Variants in MCM3 observed in about 807,000 individuals in gnomAD.
The protein encoded by MCM3 is minichromosome maintenance complex component 3.
MCM3 carries 59 observed loss-of-function variants against 91.3 expected under a neutral mutation model. The ratio of observed to expected loss-of-function variants is 0.65; its 90% CI spans 0.52 to 0.80. The LOEUF is 0.80. Ranked by LOEUF, MCM3 falls within the 30% of genes least tolerant of loss-of-function variation. The pLI is 0.00. For synonymous variants in MCM3, 383 were observed against 379.6 expected, an observed-to-expected ratio of 1.01 and a Z score of -0.10; for missense variants, 919 against 1,035.4, an observed-to-expected ratio of 0.89 and a Z score of 1.54.
intron 13 of MCM3, 30 bp downstream of exon 13, chr6:52,269,056 C>T (rs1285218920): frequency 1.9e-6 from 3 of 1,597,182 alleles, no homozygotes; most frequent in Non-Finnish European, 2.6e-6. Flanking sequence ...TCCAGGAGAT[C>T]CTCTCATGCC....
Position 52,272,385 on chromosome 6 carries a change from G to T in MCM3, c.1743C>A (p.Val581=), listed in dbSNP as rs112984542. The change falls in exon 12 of 17, where the codon GTC becomes GTA. Residue 581 remains valine (V), a synonymous_variant. Coordinates refer to ENST00000596288, the MANE Select transcript of MCM3 (RefSeq NM_002388.6). The part of the protein sequence containing the change: ...YIHVAKIIKP[V]LTQESATYIA... Reference sequence around the variant, plus strand: ...TGTAGGTGGCCGACTCCTGTGTCAGGACAGGCTTGATGATTTTGGCCACAT... The same window carrying T: ...TGTAGGTGGCCGACTCCTGTGTCAGTACAGGCTTGATGATTTTGGCCACAT... 244 of 1,614,132 alleles carry T rather than the reference G, an allele frequency of 1.5e-4. 3 individuals carry two copies. In the African/African-American group the frequency reaches 2.4e-3, roughly 16 times the overall value.
In MCM3 at chr6:52,283,347, C is replaced by A; in HGVS notation, c.138G>T (p.Arg46=). The A allele has an allele frequency of 6.2e-7, 1 of 1,614,218 alleles. No individual in the cohort carries two copies. Among genetic ancestry groups the A allele is most frequent in the Non-Finnish European group, 8.5e-7 (1 of 1,180,038 alleles). Residue 46 remains arginine (R), a synonymous_variant, in exon 2 of 17, where the codon CGG becomes CGT. Coordinates refer to ENST00000596288, the MANE Select transcript of MCM3 (RefSeq NM_002388.6). ...GCAGGTCATTCACATTGACAATCAG[C>A]CGGTATTGGTTGTCACTGATCAGCT... ...VRELISDNQY[R]LIVNVNDLRR...
chr6:52,279,397 G>A lies in MCM3; in HGVS notation c.734C>T (p.Pro245Leu). Residue 245 changes from proline to leucine, a missense_variant, in exon 5 of 17, where the codon CCT becomes CTT. This residue lies in a region of MCM3 where 401 missense variants were observed against 402.7 expected (regional missense o/e 1.00). Transcript: ENST00000596288. ...VQVVGTYRCL[P>L]GKKGGYTSGT... ...AGAGGTGTAGCCTCCCTTCTTTCCA[G>A]GAAGGCAACGGTAGGTTCCCACCAC... 6.2e-7 allele frequency: 1 copy of A among 1,614,068 alleles called. No individual in the cohort carries two copies. The highest frequency in any genetic ancestry group is 8.5e-7 in the Non-Finnish European group (1 of 1,180,008).
In MCM3 at chr6:52,269,180, G is replaced by A; in HGVS notation, c.1874C>T (p.Ala625Val). 3 of 1,613,800 alleles carry A rather than the reference G, an allele frequency of 1.9e-6. No individual in the cohort carries two copies. Among genetic ancestry groups the A allele is most frequent in the East Asian group, 2.2e-5 (1 of 44,878 alleles). ...CATGCGGGCCTTCGCATGGGCTGTGGCCAGTCGAATCAGAGTTTCCAGTGT... is the reference window on the plus strand; with the variant it reads ...CATGCGGGCCTTCGCATGGGCTGTGACCAGTCGAATCAGAGTTTCCAGTGT... ...ARTLETLIRL[A>V]TAHAKARMSK... The change falls in exon 13 of 17, where the codon GCC becomes GTC. Residue 625 changes from alanine (A) to valine (V), a missense_variant. Around this residue, in one of 3 missense-constraint regions of MCM3, gnomAD observed 285 missense variants for 311.4 expected, o/e 0.92. Coordinates refer to ENST00000596288, the MANE Select transcript of MCM3 (RefSeq NM_002388.6).
intron 14 of MCM3, among the ~76,000 whole-genome samples, chr6:52,266,917 T>G (rs548212631): frequency 6.6e-6 from 1 of 152,218 alleles, no homozygotes; most frequent in African/African-American, 2.4e-5. Flanking sequence ...CTTTTCCACA[T>G]CACTCACCCT....
At chr6:52,284,492 G>T in intron 1 of MCM3, 105 bp downstream of exon 1, 2 of 1,033,582 alleles carry the variant, frequency 1.9e-6, no homozygotes, top group Non-Finnish European at 2.7e-6. Flanking sequence ...GGCAGGCTCC[G>T]CTGCGGCACA....
chr6:52,271,828 T>C (rs113968239), intron 12 of MCM3, among the ~76,000 whole-genome samples: 116 of 152,342 alleles, frequency 7.6e-4, no homozygotes, highest in Middle Eastern at 3.4e-3. Flanking sequence ...TTCAGGGAAG[T>C]CTAAAAGAAA....
At position 52,274,056 on chromosome 6, in the gene MCM3, T is replaced by C. The variant is rs1765362827; in HGVS notation, c.1375-140A>G. 6.4e-6 allele frequency: 4 copies of C among 629,600 alleles called. No homozygotes were observed. In the South Asian group the frequency reaches 8.3e-5, roughly 13 times the overall value. The allele number at this position is 629,600 out of a possible 1,614,324, so 39.0% of individuals were successfully genotyped here. On this transcript the variant is annotated intron_variant, in intron 9 of 16. Coordinates refer to ENST00000596288, the MANE Select transcript of MCM3 (RefSeq NM_002388.6). ...GACAAAAAGCAGTGAAAAAGGGAAG[T>C]GTTTTAAAGCCATTAAACAATGTAA...
chr6:52,279,702 T>C (rs1765911820), intron 4 of MCM3, 103 bp from the exon 5 acceptor site: 2 of 907,268 alleles, frequency 2.2e-6, no homozygotes, highest in Admixed American at 2.4e-5. Flanking sequence ...AATTTTATTA[T>C]TCAGTAACAA....
intron 12 of MCM3, among the ~76,000 whole-genome samples, 183 bp downstream of exon 12, chr6:52,272,118 C>A (rs374496516): frequency 2.0e-5 from 3 of 152,272 alleles, no homozygotes; most frequent in South Asian, 4.1e-4. Context: ...GACATGTTAT[C>A]TCTGGGGTCC....
chr6:52,268,791 A>G (rs988290569), intron 13 of MCM3, among the ~76,000 whole-genome samples: 5 of 152,118 alleles, frequency 3.3e-5, no homozygotes, highest in Non-Finnish European at 7.3e-5. Flanking sequence ...ATGCAAAGGA[A>G]GTAGGGGTAG....
At chr6:52,279,620 G>C (rs774228557) in intron 4 of MCM3, 21 bp from the exon 5 acceptor site, 1 of 1,563,028 alleles carries the variant, frequency 6.4e-7, no homozygotes, top group South Asian at 1.1e-5. Context: ...GCACACAGAG[G>C]GACAGAGTGA....
In MCM3 at chr6:52,273,739, C is replaced by T; in HGVS notation, c.1549+3G>A. ...GTTACTCTTACTATTCTTATGGCCT[C>T]ACCATCGCCATCCTGCTCCCCAGGT... On this transcript the variant is annotated splice_donor_region_variant and intron_variant, in intron 10 of 16. Transcript: ENST00000596288. 2 of 1,606,940 alleles carry T rather than the reference C, an allele frequency of 1.2e-6. No homozygotes were observed. The highest frequency in any genetic ancestry group is 8.5e-7 in the Non-Finnish European group (1 of 1,176,604).
chr6:52,283,526 T>G (rs1264908771), intron 1 of MCM3, 120 bp from the exon 2 acceptor site: 6 of 725,106 alleles, frequency 8.3e-6, no homozygotes, highest in Non-Finnish European at 1.5e-5. Flanking sequence ...GAATCCCCAG[T>G]AAGTATGTGC....
At chr6:52,277,459 T>C (rs1329131454) in intron 7 of MCM3, 76 bp downstream of exon 7, 2 of 1,424,706 alleles carry the variant, frequency 1.4e-6, no homozygotes, top group East Asian at 2.3e-5. Flanking sequence ...GTACAGAATA[T>C]ACAATCTTAC....
chr6:52,272,506 G>C, intron 11 of MCM3, 55 bp from the exon 12 acceptor site: 1 of 1,603,720 alleles, frequency 6.2e-7, no homozygotes, highest in Non-Finnish European at 8.5e-7. Context: ...CACCTGCCTG[G>C]ATTAGTGGCT....
chr6:52,266,470 T>TG, intron 15 of MCM3, 141 bp downstream of exon 15: 1 of 766,016 alleles, frequency 1.3e-6, no homozygotes, highest in Non-Finnish European at 2.2e-6. Context: ...GAAGCTCTCT[T>TG]GGGACAAACC....
rs761199189 is a variant in MCM3, at chr6:52,273,746, G to A, written c.1545C>T (p.Gly515=). 2.5e-6 allele frequency: 4 copies of A among 1,608,176 alleles called. No individual in the cohort carries two copies. Among genetic ancestry groups the A allele is most frequent in the African/African-American group, 1.3e-5 (1 of 74,754 alleles). The change falls in exon 10 of 17, where the codon GGC becomes GGT. Residue 515 remains glycine (G), a synonymous_variant. Coordinates refer to ENST00000596288, the MANE Select transcript of MCM3 (RefSeq NM_002388.6). ...TTACTATTCTTATGGCCTCACCATC[G>A]CCATCCTGCTCCCCAGGTGCTCTGT... ...HRYRAPGEQD[G]DAMPLGSAVD...
intron 1 of MCM3, 48 bp from the exon 2 acceptor site, chr6:52,283,454 A>T: frequency 7.6e-7 from 1 of 1,322,808 alleles, no homozygotes; most frequent in Non-Finnish European, 1.1e-6. Context: ...TTTAAAAACA[A>T]TGTTTCTAAA....
Sources: allele counts gnomAD v4.1 joint callset (sites outside exome capture counted in the v4.1 genomes callset), GRCh38; gene constraint gnomAD v4.1.1; regional missense constraint gnomAD v4.1.1; transcripts MANE v1.5; gene names NCBI Gene and HGNC (gene_info 2026-07-23, HGNC 2026-07-21).